The following SLC24A2 variants were observed in gnomAD, a reference collection of about 807,000 sequenced individuals.
SLC24A2 encodes sodium/potassium/calcium exchanger 2.
A neutral mutation model predicts 62.0 loss-of-function variants in SLC24A2; 36 were observed. The observed-to-expected ratio is 0.58, with a 90% CI of 0.44 to 0.77. SLC24A2 has a LOEUF of 0.77. Ranked by LOEUF, SLC24A2 falls within the 30% of genes least tolerant of loss-of-function variation. SLC24A2 has a pLI of 0.00. For synonymous variants in SLC24A2, 358 were observed against 294.0 expected (o/e 1.22, Z -2.23); for missense variants, 846 against 817.9 (o/e 1.03, Z -0.42).
chr9:20,000,176 G>A, the SLC24A2 span, among the ~76,000 whole-genome samples: 2 of 152,330 alleles, frequency 1.3e-5, no homozygotes, highest in Non-Finnish European at 2.9e-5. Context: ...TAGTATGTAT[G>A]GAAATGGTTG....
At chr9:20,106,416 T>C in the SLC24A2 span, among the ~76,000 whole-genome samples, 1 of 152,152 alleles carries the variant, frequency 6.6e-6, no homozygotes, top group Non-Finnish European at 1.5e-5. Flanking sequence ...TTTAGACCAA[T>C]ATCCTTGATG....
chr9:20,041,783 G>T, the SLC24A2 span, among the ~76,000 whole-genome samples: 1 of 152,236 alleles, frequency 6.6e-6, no homozygotes, highest in Non-Finnish European at 1.5e-5. Context: ...GCCAGTCGGG[G>T]GTCTAAGAAG....
At chr9:19,706,940 C>T (rs973730699) in intron 2 of SLC24A2, among the ~76,000 whole-genome samples, 4 of 151,368 alleles carry the variant, frequency 2.6e-5, no homozygotes, top group Admixed American at 6.6e-5. Flanking sequence ...ACACAAAAAA[C>T]CCTTCAAAAA....
At chr9:20,246,387 C>T in the SLC24A2 span, among the ~76,000 whole-genome samples, 2 of 152,170 alleles carry the variant, frequency 1.3e-5, no homozygotes, top group Admixed American at 6.6e-5. Context: ...TAATTCATCC[C>T]TTAAGCACCT....
the SLC24A2 span, among the ~76,000 whole-genome samples, chr9:20,149,614 T>C: frequency 1.3e-5 from 2 of 152,210 alleles, no homozygotes; most frequent in African/African-American, 4.8e-5. Flanking sequence ...TTAAAATGGC[T>C]GTGTTCTAAT....
intron 2 of SLC24A2, among the ~76,000 whole-genome samples, chr9:19,713,502 G>T (rs12000054): frequency 0.38 from 58,004 of 151,942 alleles, 11,369 homozygotes; most frequent in Middle Eastern, 0.49. Context: ...TAGTATGCAA[G>T]TTTGAGACCT....
chr9:19,842,298 A>T, the SLC24A2 span, among the ~76,000 whole-genome samples: 1 of 152,314 alleles, frequency 6.6e-6, no homozygotes, highest in East Asian at 1.9e-4. Context: ...TGGGATCATA[A>T]CTGTTGAATG....
chr9:19,826,987 C>T, the SLC24A2 span, among the ~76,000 whole-genome samples: 17 of 152,252 alleles, frequency 1.1e-4, no homozygotes, highest in Middle Eastern at 3.4e-3. Flanking sequence ...GCTCTTTTCT[C>T]TTGATATATA....
intron 9 of SLC24A2, 30 bp from the exon 10 acceptor site, chr9:19,521,090 A>C (rs1276374130): frequency 3.6e-5 from 58 of 1,599,902 alleles, no homozygotes; most frequent in Non-Finnish European, 4.6e-5. Context: ...TAAACATCTC[A>C]GTGTTTGAAG....
chr9:19,523,964 T>C (rs1833314120), intron 9 of SLC24A2, among the ~76,000 whole-genome samples: 1 of 151,884 alleles, frequency 6.6e-6, no homozygotes, highest in Non-Finnish European at 1.5e-5. Context: ...GAAGAACTAG[T>C]CTTCATAAGC....
the SLC24A2 span, among the ~76,000 whole-genome samples, chr9:19,838,200 G>A: frequency 6.6e-6 from 1 of 152,172 alleles, no homozygotes; most frequent in Non-Finnish European, 1.5e-5. Flanking sequence ...AAAACAGCAT[G>A]GAACTGGTAC....
the SLC24A2 span, among the ~76,000 whole-genome samples, chr9:20,065,701 C>A: frequency 6.6e-6 from 1 of 152,082 alleles, no homozygotes; most frequent in Non-Finnish European, 1.5e-5. Context: ...TCTTAAGTGA[C>A]CAGTGTTACA....
chr9:20,292,585 G>A, the SLC24A2 span, among the ~76,000 whole-genome samples: 7 of 152,052 alleles, frequency 4.6e-5, no homozygotes, highest in East Asian at 1.9e-4. Flanking sequence ...ACAGAAATTC[G>A]TTGTCTTACG....
At chr9:19,874,996 C>CAAAA in the SLC24A2 span, among the ~76,000 whole-genome samples, 7 of 96,662 alleles carry the variant, frequency 7.2e-5, no homozygotes, top group Admixed American at 1.1e-4. Flanking sequence ...TCCAGAATTA[C>CAAAA]AAAAAAAAAA....
At chr9:19,717,718 T>G (rs1820899608) in intron 2 of SLC24A2, among the ~76,000 whole-genome samples, 1 of 152,182 alleles carries the variant, frequency 6.6e-6, no homozygotes, top group African/African-American at 2.4e-5. Flanking sequence ...TTAGCTGACT[T>G]TTAAATTATT....
chr9:19,763,827 A>G (rs1822423720), intron 2 of SLC24A2, among the ~76,000 whole-genome samples: 1 of 152,222 alleles, frequency 6.6e-6, no homozygotes, highest in Non-Finnish European at 1.5e-5. Context: ...CTGGCCTCAT[A>G]GAACGAGTTA....
chr9:20,219,940 G>T, the SLC24A2 span, among the ~76,000 whole-genome samples: 1 of 152,088 alleles, frequency 6.6e-6, no homozygotes, highest in South Asian at 2.1e-4. Flanking sequence ...TCGAGCTTTG[G>T]AGAGTCTATC....
chr9:19,697,346 G>C (rs1820222715), intron 2 of SLC24A2, among the ~76,000 whole-genome samples: 1 of 152,122 alleles, frequency 6.6e-6, no homozygotes, highest in Admixed American at 6.6e-5. Flanking sequence ...TAATATTCAG[G>C]TGATGGGTTG....
chr9:20,044,745 AT>A, the SLC24A2 span, among the ~76,000 whole-genome samples: 4 of 152,096 alleles, frequency 2.6e-5, no homozygotes, highest in Non-Finnish European at 4.4e-5. Context: ...TGATTATCCT[AT>A]TTTTTTGTTT....
Sources: allele counts gnomAD v4.1 joint callset (sites outside exome capture counted in the v4.1 genomes callset), GRCh38; gene constraint gnomAD v4.1.1; transcripts MANE v1.5; gene names NCBI Gene and HGNC (gene_info 2026-07-23, HGNC 2026-07-21).